ELAPOR1: variants seen among roughly 807,000 people sequenced by gnomAD.
ELAPOR1 encodes the protein endosome-lysosome associated apoptosis and autophagy regulator 1, also known as endosome/lysosome-associated apoptosis and autophagy regulator 1.
ELAPOR1 carries 77 observed loss-of-function variants against 119.7 expected under a neutral mutation model. The ratio of observed to expected loss-of-function variants is 0.64; its 90% confidence interval spans 0.54 to 0.78. The LOEUF is 0.78. Among genes scored for constraint, ELAPOR1 ranks in the 30% least tolerant of loss-of-function variants. ELAPOR1 has a pLI of 0.00. For synonymous variants in ELAPOR1, 481 were observed against 487.2 expected (o/e 0.99, Z 0.17); for missense variants, 1,115 against 1,270.4 (o/e 0.88, Z 1.86).
chr1:109,172,689 A>G (rs1445519287), intron 5 of ELAPOR1, 121 bp downstream of exon 5: 1 of 709,382 alleles, frequency 1.4e-6, no homozygotes, highest in Non-Finnish European at 2.5e-6. Flanking sequence ...CAGGAATGTG[A>G]TATGATGAAG....
chr1:109,129,175 C>T (rs535788896), intron 1 of ELAPOR1, among the ~76,000 whole-genome samples: 10 of 152,206 alleles, frequency 6.6e-5, no homozygotes, highest in African/African-American at 2.4e-4. Flanking sequence ...ATTTATTAAA[C>T]ATAATGGACT....
chr1:109,153,082 G>T (rs1158250673), intron 1 of ELAPOR1, among the ~76,000 whole-genome samples: 1 of 151,992 alleles, frequency 6.6e-6, no homozygotes, highest in East Asian at 1.9e-4. Flanking sequence ...AAATTGGTGA[G>T]TATTGAAGTT....
rs1651476366 is a variant in ELAPOR1 at position 109,164,685 on chromosome 1, G to A, written c.461G>A (p.Cys154Tyr). ...DDSAAESTGN[C>Y]TSSKWVPRGD... ...AGTGCTGCTGAGTCCACCGGGAACTGTACTTCGTGAGTCTGCACACACCCC... is the reference window on the plus strand; with the variant it reads ...AGTGCTGCTGAGTCCACCGGGAACTATACTTCGTGAGTCTGCACACACCCC... Residue 154 changes from cysteine to tyrosine, a missense_variant, in exon 3 of 22, where the codon TGT (cysteine) becomes TAT (tyrosine). Physicochemically the swap from Cys to Tyr is radical, Grantham distance 194 (BLOSUM62 -2). Coordinates refer to ENST00000369939, the MANE Select transcript of ELAPOR1 (RefSeq NM_020775.5). The A allele has an allele frequency of 1.2e-6, 2 of 1,613,336 alleles. No homozygotes were observed. The highest frequency in any genetic ancestry group is 1.7e-6 in the Non-Finnish European group (2 of 1,179,458).
rs755208408 is a variant in ELAPOR1, at chr1:109,198,694, G to A, written c.2501+20G>A. The A allele has an allele frequency of 6.9e-6, 11 of 1,600,672 alleles. No individual in the cohort carries two copies. Among genetic ancestry groups the A allele is most frequent in the South Asian group, 3.4e-5 (3 of 89,266 alleles). ...GCCAGGGTAAGCCCTGCAAAGGGAT[G>A]TAACAAAGGCCAAAATCTCCCTTGA... On this transcript the variant is annotated intron_variant, in intron 18 of 21. Coordinates refer to ENST00000369939, the MANE Select transcript of ELAPOR1 (RefSeq NM_020775.5).
At chr1:109,151,770 G>A (rs1224014883) in intron 1 of ELAPOR1, among the ~76,000 whole-genome samples, 1 of 152,062 alleles carries the variant, frequency 6.6e-6, no homozygotes, top group Non-Finnish European at 1.5e-5. Context: ...TCTGGGTCAG[G>A]TACTTTCCAG....
At chr1:109,146,032 GCCAGCACAGTGGCTCACATCTATAATC>G (rs1305070755) in intron 1 of ELAPOR1, among the ~76,000 whole-genome samples, 2 of 152,070 alleles carry the variant, frequency 1.3e-5, no homozygotes, top group Non-Finnish European at 2.9e-5. Context: ...AGAATCTCAG[GCCAGCACAGTGGCTCACATCTATAATC>G]CCAGCACTGT....
chr1:109,137,677 C>T (rs1007925240), intron 1 of ELAPOR1, among the ~76,000 whole-genome samples: 16 of 151,698 alleles, frequency 1.1e-4, no homozygotes, highest in African/African-American at 1.9e-4. Flanking sequence ...TACAGGCATG[C>T]GCCACCACCC....
At chr1:109,150,584 G>C (rs989310952) in intron 1 of ELAPOR1, among the ~76,000 whole-genome samples, 1 of 152,156 alleles carries the variant, frequency 6.6e-6, no homozygotes, top group Non-Finnish European at 1.5e-5. Context: ...CGTCTGCCTC[G>C]GTGTCTGCAG....
At chr1:109,143,847 G>C (rs762718473) in intron 1 of ELAPOR1, among the ~76,000 whole-genome samples, 1 of 151,254 alleles carries the variant, frequency 6.6e-6, no homozygotes, top group African/African-American at 2.4e-5. Flanking sequence ...TTTTTGTAGA[G>C]ACAGGGTTTC....
chr1:109,186,695 A>T (rs1653071334), intron 8 of ELAPOR1: 1 of 985,396 alleles, frequency 1.0e-6, no homozygotes, highest in Non-Finnish European at 1.2e-6. Context: ...CAACTCACTA[A>T]TAAAAGGCAG....
chr1:109,116,062 A>G (rs1647975814), intron 1 of ELAPOR1, among the ~76,000 whole-genome samples: 1 of 152,246 alleles, frequency 6.6e-6, no homozygotes, highest in African/African-American at 2.4e-5. Flanking sequence ...AACAATGGAA[A>G]ATATGAGACA....
At chr1:109,155,178 T>C (rs1483210083) in intron 1 of ELAPOR1, among the ~76,000 whole-genome samples, 1 of 151,914 alleles carries the variant, frequency 6.6e-6, no homozygotes, top group African/African-American at 2.4e-5. Flanking sequence ...AACATCATTA[T>C]ATATATATAT....
At chr1:109,137,647 C>T (rs1028832643) in intron 1 of ELAPOR1, among the ~76,000 whole-genome samples, 1 of 152,076 alleles carries the variant, frequency 6.6e-6, no homozygotes, top group African/African-American at 2.4e-5. Flanking sequence ...CCTGCCTCAG[C>T]CTTCCTAAGT....
At chr1:109,139,912 C>A (rs187343335) in intron 1 of ELAPOR1, among the ~76,000 whole-genome samples, 1 of 152,174 alleles carries the variant, frequency 6.6e-6, no homozygotes, top group Non-Finnish European at 1.5e-5. Flanking sequence ...GCTGGGACCA[C>A]AGGTGTGTGC....
At chr1:109,168,891 ATGT>A (rs1651758207) in intron 3 of ELAPOR1, among the ~76,000 whole-genome samples, 2 of 152,186 alleles carry the variant, frequency 1.3e-5, no homozygotes, top group South Asian at 2.1e-4. Context: ...CAATCAAAAC[ATGT>A]TGTTATTATT....
At chr1:109,197,693 G>A (rs112052476) in intron 16 of ELAPOR1, 39 bp downstream of exon 16, 1 of 1,518,122 alleles carries the variant, frequency 6.6e-7, no homozygotes, top group Admixed American at 1.8e-5. Context: ...TTGAGAGTGT[G>A]TGTGTGTGTG....
At chr1:109,137,225 A>T (rs910647825) in intron 1 of ELAPOR1, among the ~76,000 whole-genome samples, 1 of 152,088 alleles carries the variant, frequency 6.6e-6, no homozygotes, top group Non-Finnish European at 1.5e-5. Flanking sequence ...TTATTTTGAG[A>T]TGGTGTCTCA....
intron 3 of ELAPOR1, among the ~76,000 whole-genome samples, chr1:109,167,961 A>G (rs147797095): frequency 6.6e-6 from 1 of 152,194 alleles, no homozygotes; most frequent in East Asian, 1.9e-4. Context: ...CCTAGATTCA[A>G]TGGCTACCAA....
At chr1:109,178,107 T>G (rs748872423) in intron 7 of ELAPOR1, among the ~76,000 whole-genome samples, 2 of 151,498 alleles carry the variant, frequency 1.3e-5, no homozygotes, top group Non-Finnish European at 2.9e-5. Flanking sequence ...CCTCCCCAGT[T>G]CAAGTGATTC....
Sources: allele counts gnomAD v4.1 joint callset (sites outside exome capture counted in the v4.1 genomes callset), GRCh38; gene constraint gnomAD v4.1.1; transcripts MANE v1.5; gene names NCBI Gene and HGNC (gene_info 2026-07-23, HGNC 2026-07-21).